The following C6 variants were observed in gnomAD, a reference collection of about 807,000 sequenced individuals.
C6 encodes complement C6, also known as complement component C6.
Under a neutral mutation model 112.9 loss-of-function variants are expected in C6, and 101 were observed. The ratio of observed to expected loss-of-function variants is 0.89; its 90% confidence interval spans 0.76 to 1.06. The LOEUF (loss-of-function observed/expected upper bound fraction) is 1.06, where lower values mean the gene tolerates loss of function less well. C6 is among the 50% of genes least tolerant of loss of function. C6 has a pLI of 0.00. For missense variants in C6, 1,202 were observed against 1,104.6 expected, an observed-to-expected ratio of 1.09 and a Z score of -1.25; for synonymous variants, 431 against 384.1, an observed-to-expected ratio of 1.12 and a Z score of -1.43.
At chr5:41,256,079 G>A (rs889108866) in intron 1 of C6, among the ~76,000 whole-genome samples, 1 of 152,028 alleles carries the variant, frequency 6.6e-6, no homozygotes, top group African/African-American at 2.4e-5. Flanking sequence ...GAGAATGATG[G>A]TTTCCAGTTT....
At chr5:41,220,388 C>G (rs1264157225) in intron 1 of C6, among the ~76,000 whole-genome samples, 1 of 152,118 alleles carries the variant, frequency 6.6e-6, no homozygotes, top group Non-Finnish European at 1.5e-5. Context: ...GTCTTCTGCT[C>G]TCTGGTGGAA....
chr5:41,222,172 A>C (rs1580220409), intron 1 of C6, among the ~76,000 whole-genome samples: 2 of 151,588 alleles, frequency 1.3e-5, no homozygotes, highest in Admixed American at 6.6e-5. Context: ...TCTCAAAAAA[A>C]AAAAACAAAA....
intron 1 of C6, among the ~76,000 whole-genome samples, chr5:41,208,041 C>G (rs1162840668): frequency 6.6e-6 from 1 of 152,184 alleles, no homozygotes; most frequent in East Asian, 1.9e-4. Flanking sequence ...CATCACAGTG[C>G]AATCAAACTA....
chr5:41,195,174 C>G (rs1182539624), intron 5 of C6, among the ~76,000 whole-genome samples: 1 of 152,150 alleles, frequency 6.6e-6, no homozygotes, highest in Non-Finnish European at 1.5e-5. Flanking sequence ...GAGAGAATAC[C>G]TAGCTATATT....
intron 1 of C6, among the ~76,000 whole-genome samples, chr5:41,219,389 G>T (rs968725674): frequency 2.6e-5 from 4 of 152,124 alleles, no homozygotes; most frequent in Non-Finnish European, 5.9e-5. Flanking sequence ...TAAAGCTGTT[G>T]AGAGAGCTTT....
intron 9 of C6, among the ~76,000 whole-genome samples, chr5:41,165,259 T>C (rs1053412829): frequency 4.6e-5 from 7 of 152,168 alleles, no homozygotes; most frequent in Non-Finnish European, 1.0e-4. Context: ...TTTTGATCCA[T>C]GTGTGTGCAT....
intron 13 of C6, 103 bp downstream of exon 13, chr5:41,158,571 G>T: frequency 1.4e-6 from 1 of 733,888 alleles, no homozygotes; most frequent in Non-Finnish European, 2.5e-6. Flanking sequence ...AAAGTCAATA[G>T]GAGATTATTC....
chr5:41,181,652 C>T, intron 6 of C6, 93 bp from the exon 7 acceptor site: 1 of 1,051,590 alleles, frequency 9.5e-7, no homozygotes, highest in Non-Finnish European at 1.4e-6. Flanking sequence ...TTTATTTATG[C>T]ACTCAGCCAG....
Position 41,202,881 on chromosome 5 carries a change from C to A in C6, c.143+207G>T, listed in dbSNP as rs184670535. On this transcript the variant is annotated intron_variant, in intron 2 of 17. Transcript: ENST00000337836. The stretch of plus-strand genomic sequence containing the variant: ...GTTGCACAGATTCTTAATTAAATTT[C>A]TTTGAAACCCCTCGTTCTTGTAGAA... 2.0e-5 allele frequency among the ~76,000 whole-genome samples: 3 copies of A among 152,308 alleles called. No homozygotes were observed. In the East Asian group the frequency reaches 5.8e-4, roughly 29 times the overall value.
At chr5:41,221,797 T>A (rs779150361) in intron 1 of C6, among the ~76,000 whole-genome samples, 7 of 152,168 alleles carry the variant, frequency 4.6e-5, no homozygotes, top group Non-Finnish European at 1.0e-4. Context: ...CAAAAAAGTA[T>A]CAACAATATA....
At chr5:41,257,980 A>G (rs946503140) in intron 1 of C6, among the ~76,000 whole-genome samples, 8 of 152,172 alleles carry the variant, frequency 5.3e-5, no homozygotes, top group African/African-American at 1.9e-4. Flanking sequence ...ACATAGAAAA[A>G]AATCTTTTTA....
chr5:41,205,760 G>T (rs181066006), intron 1 of C6, among the ~76,000 whole-genome samples: 1 of 152,174 alleles, frequency 6.6e-6, no homozygotes, highest in African/African-American at 2.4e-5. Context: ...GCTCAAGGAG[G>T]CCTGCCTGCC....
At chr5:41,143,473 A>G (rs1048532870) in intron 17 of C6, among the ~76,000 whole-genome samples, 1 of 152,182 alleles carries the variant, frequency 6.6e-6, no homozygotes, top group African/African-American at 2.4e-5. Context: ...TATTTTTAAC[A>G]TTGGCATTGC....
intron 9 of C6, 22 bp from the exon 10 acceptor site, chr5:41,161,881 A>T (rs775078666): frequency 6.2e-7 from 1 of 1,612,004 alleles, no homozygotes; most frequent in Non-Finnish European, 8.5e-7. Context: ...TTCAATAAAA[A>T]TGCCCATTTA....
At chr5:41,203,399 A>G (rs1176453874) in intron 1 of C6, 149 bp from the exon 2 acceptor site, 1 of 734,032 alleles carries the variant, frequency 1.4e-6, no homozygotes, top group African/African-American at 1.7e-5. Flanking sequence ...ACAAATTCAC[A>G]TGCTCGTGAG....
intron 1 of C6, among the ~76,000 whole-genome samples, chr5:41,230,088 C>T (rs750003604): frequency 7.2e-5 from 11 of 152,096 alleles, no homozygotes; most frequent in Non-Finnish European, 1.5e-4. Flanking sequence ...TCTGTCTTTA[C>T]TTTAATCTCA....
intron 1 of C6, among the ~76,000 whole-genome samples, chr5:41,207,406 T>C (rs1360541611): frequency 6.6e-6 from 1 of 152,182 alleles, no homozygotes; most frequent in African/African-American, 2.4e-5. Context: ...ATGGGCTAAA[T>C]GCCCCAATTA....
At chr5:41,157,970 G>T (rs898229085) in intron 13 of C6, among the ~76,000 whole-genome samples, 2 of 152,166 alleles carry the variant, frequency 1.3e-5, no homozygotes, top group African/African-American at 4.8e-5. Context: ...TGGACTTAGA[G>T]AATTGAGTGT....
At chr5:41,143,220 G>A (rs1175528772) in intron 17 of C6, among the ~76,000 whole-genome samples, 1 of 152,120 alleles carries the variant, frequency 6.6e-6, no homozygotes, top group East Asian at 1.9e-4. Flanking sequence ...TGACCCCAAA[G>A]ACCCAACTGT....
Sources: gnomAD v4.1 joint callset for allele counts (sites outside exome capture counted in the v4.1 genomes callset) on GRCh38, gnomAD v4.1.1 for gene constraint, MANE v1.5 for transcripts, NCBI Gene and HGNC (gene_info 2026-07-23, HGNC 2026-07-21) for gene names.